GOLM2: variants seen among roughly 807,000 people sequenced by gnomAD.
The protein encoded by GOLM2 is golgi membrane protein 2, also known as protein GOLM2.
Under a neutral mutation model 55.9 loss-of-function variants are expected in GOLM2, and 26 were observed. The observed-to-expected ratio is 0.47, with a 90% CI of 0.34 to 0.65. The LOEUF (loss-of-function observed/expected upper bound fraction) is 0.65. Ranked by LOEUF, GOLM2 falls within the 30% of genes least tolerant of loss-of-function variation. The pLI is 0.01. For synonymous variants in GOLM2, 165 were observed against 194.6 expected (o/e 0.85, Z 1.27); for missense variants, 486 against 531.8 (o/e 0.91, Z 0.85).
intron 1 of GOLM2, among the ~76,000 whole-genome samples, chr15:44,313,869 T>G (rs1246544799): frequency 6.6e-6 from 1 of 152,136 alleles, no homozygotes; most frequent in Non-Finnish European, 1.5e-5. Flanking sequence ...ATAAGATGAA[T>G]GAGTGAATGA....
intron 8 of GOLM2, among the ~76,000 whole-genome samples, chr15:44,392,347 G>A (rs1479277827): frequency 1.3e-5 from 2 of 151,820 alleles, no homozygotes; most frequent in African/African-American, 2.4e-5. Flanking sequence ...ACAAGGCCAG[G>A]CACGTAGCTC....
rs563568481 is a variant in GOLM2 at position 44,410,521 on chromosome 15, T to G, written c.1241-2815T>G. The stretch of plus-strand genomic sequence containing the variant: ...GTAAAAGTGTGAAATGGATATAATT[T>G]CAGGCTTTAACACATATTAAGACAG... On this transcript the variant is annotated intron_variant, in intron 9 of 9. Transcript: ENST00000299957. 2.0e-4 allele frequency among the ~76,000 whole-genome samples: 31 copies of G among 152,268 alleles called. No individual in the cohort carries two copies. The South Asian group carries it at 6.4e-3, about 32-fold the overall frequency.
At chr15:44,408,538 C>G (rs1272066857) in intron 9 of GOLM2, among the ~76,000 whole-genome samples, 1 of 152,180 alleles carries the variant, frequency 6.6e-6, no homozygotes, top group Non-Finnish European at 1.5e-5. Flanking sequence ...GTTGTTATCT[C>G]TATTTTCCTG....
At chr15:44,331,165 C>T (rs1243310093) in intron 3 of GOLM2, among the ~76,000 whole-genome samples, 1 of 152,068 alleles carries the variant, frequency 6.6e-6, no homozygotes, top group Non-Finnish European at 1.5e-5. Context: ...CAGGCACGTA[C>T]CACCATGCCT....
intron 6 of GOLM2, among the ~76,000 whole-genome samples, chr15:44,339,157 T>C (rs1223258940): frequency 6.6e-6 from 1 of 152,142 alleles, no homozygotes; most frequent in African/African-American, 2.4e-5. Flanking sequence ...AAATGAAATA[T>C]TTGTCCTTTC....
intron 9 of GOLM2, among the ~76,000 whole-genome samples, chr15:44,410,761 G>A (rs987476144): frequency 1.3e-5 from 2 of 151,322 alleles, no homozygotes; most frequent in Non-Finnish European, 2.9e-5. Flanking sequence ...AAATTAGCTG[G>A]GCATGTGGTG....
intron 6 of GOLM2, among the ~76,000 whole-genome samples, chr15:44,346,747 GA>G (rs2079127412): frequency 6.6e-6 from 1 of 152,122 alleles, no homozygotes; most frequent in African/African-American, 2.4e-5. Context: ...ATGAAAAGGT[GA>G]CTTGCTTTTC....
chr15:44,309,215 C>A (rs570173111), intron 1 of GOLM2, among the ~76,000 whole-genome samples: 1 of 152,166 alleles, frequency 6.6e-6, no homozygotes, highest in Non-Finnish European at 1.5e-5. Flanking sequence ...ATATGGAAAA[C>A]AGTATGTAGT....
intron 6 of GOLM2, among the ~76,000 whole-genome samples, chr15:44,345,359 G>A (rs2079116953): frequency 6.7e-6 from 1 of 150,172 alleles, no homozygotes; most frequent in African/African-American, 2.5e-5. Context: ...GGCAAGCTCC[G>A]CCTCCCGGGT....
intron 7 of GOLM2, 150 bp from the exon 8 acceptor site, chr15:44,380,656 A>C (rs967941218): frequency 4.0e-6 from 2 of 498,296 alleles, no homozygotes; most frequent in Non-Finnish European, 6.5e-6. Flanking sequence ...AGAAATGAGA[A>C]TAAACCTTTA....
chr15:44,369,603 C>A (rs903963891), intron 6 of GOLM2, among the ~76,000 whole-genome samples: 1 of 149,632 alleles, frequency 6.7e-6, no homozygotes, highest in Admixed American at 6.8e-5. Context: ...GCGGGCGGAT[C>A]GAGAGATCAG....
intron 6 of GOLM2, among the ~76,000 whole-genome samples, chr15:44,338,885 C>T (rs1231958166): frequency 6.6e-6 from 1 of 152,102 alleles, no homozygotes; most frequent in Non-Finnish European, 1.5e-5. Context: ...CACTTGAAGG[C>T]CTGCTCCCAC....
intron 1 of GOLM2, among the ~76,000 whole-genome samples, chr15:44,304,230 CTTTTTTTT>C (rs895623812): frequency 2.4e-5 from 2 of 82,874 alleles, no homozygotes; most frequent in East Asian, 4.3e-4. Flanking sequence ...GGCTCCACTT[CTTTTTTTT>C]TTTTTTTTTT....
rs191189224 is a variant in GOLM2 at position 44,346,690 on chromosome 15, T to G, written c.802+8373T>G. On this transcript the variant is annotated intron_variant, in intron 6 of 9. Coordinates refer to ENST00000299957, the MANE Select transcript of GOLM2 (RefSeq NM_138423.4). Reference sequence around the variant, plus strand: ...TTCTGTTGGACAGTACTGCTCTAGATTGAAACCAGTAATAGTGGTTTTATG... The same window carrying G: ...TTCTGTTGGACAGTACTGCTCTAGAGTGAAACCAGTAATAGTGGTTTTATG... Among the ~76,000 whole-genome samples, 4 of 152,308 alleles carry G rather than the reference T, an allele frequency of 2.6e-5. No homozygotes were observed. In the East Asian group the frequency reaches 7.7e-4, roughly 29 times the overall value.
chr15:44,382,129 G>A (rs895723484), intron 8 of GOLM2: 1 of 151,750 alleles, frequency 6.6e-6, no homozygotes, highest in African/African-American at 2.4e-5. Context: ...CCAAAGTATT[G>A]TGTGAAAAAC....
intron 1 of GOLM2, among the ~76,000 whole-genome samples, chr15:44,304,265 A>G (rs1366857040): frequency 9.4e-6 from 1 of 106,346 alleles, no homozygotes; most frequent in Non-Finnish European, 1.8e-5. Flanking sequence ...TTTTTGAGAC[A>G]GAGTTTCACT....
At chr15:44,391,849 T>TATTC (rs1465248809) in intron 8 of GOLM2, among the ~76,000 whole-genome samples, 1 of 152,126 alleles carries the variant, frequency 6.6e-6, no homozygotes, top group African/African-American at 2.4e-5. Context: ...CTTTATTTTT[T>TATTC]ATTTATTTAT....
intron 1 of GOLM2, among the ~76,000 whole-genome samples, chr15:44,311,019 A>G (rs1412105038): frequency 1.3e-5 from 2 of 152,108 alleles, no homozygotes; most frequent in African/African-American, 4.8e-5. Context: ...TTCATTTCAA[A>G]CAACAACAAC....
chr15:44,300,923 A>G (rs1288702168), intron 1 of GOLM2, among the ~76,000 whole-genome samples: 10 of 152,204 alleles, frequency 6.6e-5, no homozygotes, highest in Non-Finnish European at 1.2e-4. Flanking sequence ...CTTTTGAACA[A>G]TGTTGCCACA....
Sources: allele counts gnomAD v4.1 joint callset (sites outside exome capture counted in the v4.1 genomes callset), GRCh38; gene constraint gnomAD v4.1.1; transcripts MANE v1.5; gene names NCBI Gene and HGNC (gene_info 2026-07-23, HGNC 2026-07-21).